DCLK1: variants seen among roughly 807,000 people sequenced by gnomAD.
The protein encoded by DCLK1 is doublecortin like kinase 1.
Under a neutral mutation model 86.2 loss-of-function variants are expected in DCLK1, and 16 were observed. That is an observed-to-expected ratio of 0.19 (90% CI 0.13 to 0.28). The LOEUF (loss-of-function observed/expected upper bound fraction) is 0.28, where lower values mean the gene tolerates loss of function less well. Ranked by LOEUF, DCLK1 falls within the 10% of genes least tolerant of loss-of-function variation. The pLI, the probability that DCLK1 is intolerant of heterozygous loss-of-function variation, is 1.00. For synonymous variants in DCLK1, 369 were observed against 370.5 expected (o/e 1.00, Z 0.05); for missense variants, 590 against 940.2 (o/e 0.63, Z 4.87).
At chr13:36,071,433 A>G (rs1195035466) in intron 3 of DCLK1, among the ~76,000 whole-genome samples, 1 of 152,178 alleles carries the variant, frequency 6.6e-6, no homozygotes, top group African/African-American at 2.4e-5. Context: ...AAACAAATTC[A>G]GCAATATTAA....
chr13:35,907,756 T>G (rs959345328), intron 4 of DCLK1, among the ~76,000 whole-genome samples: 1 of 151,246 alleles, frequency 6.6e-6, no homozygotes, highest in African/African-American at 2.4e-5. Flanking sequence ...GCTCAGAGGT[T>G]CAAGCTAAGC....
chr13:35,841,950 C>G (rs1003915092), intron 6 of DCLK1, among the ~76,000 whole-genome samples: 7 of 151,938 alleles, frequency 4.6e-5, no homozygotes, highest in Non-Finnish European at 1.0e-4. Context: ...TACAGAAATC[C>G]CAGTGGGTGG....
At chr13:35,817,480 T>G (rs2087296259) in intron 11 of DCLK1, among the ~76,000 whole-genome samples, 1 of 152,174 alleles carries the variant, frequency 6.6e-6, no homozygotes, top group Non-Finnish European at 1.5e-5. Flanking sequence ...TTCAAAGAAA[T>G]TAGATTATTA....
chr13:35,805,597 C>A, intron 15 of DCLK1, 102 bp downstream of exon 15: 2 of 1,206,338 alleles, frequency 1.7e-6, no homozygotes, highest in South Asian at 1.4e-5. Flanking sequence ...CTGCGCCTGG[C>A]CCACAACACT....
At chr13:36,093,417 C>A (rs1884905071) in intron 3 of DCLK1, among the ~76,000 whole-genome samples, 1 of 152,200 alleles carries the variant, frequency 6.6e-6, no homozygotes, top group South Asian at 2.1e-4. Context: ...ATGGTGGCTA[C>A]AAATCACCTA....
At chr13:35,903,301 A>G (rs1326288324) in intron 4 of DCLK1, among the ~76,000 whole-genome samples, 2 of 152,208 alleles carry the variant, frequency 1.3e-5, no homozygotes, top group Non-Finnish European at 2.9e-5. Context: ...TGCTACAGAA[A>G]GTGTCTGGCC....
chr13:36,019,977 G>T (rs565449933), intron 3 of DCLK1, among the ~76,000 whole-genome samples: 54 of 152,262 alleles, frequency 3.5e-4, no homozygotes, highest in African/African-American at 1.3e-3. Context: ...GAATGGCTTT[G>T]TGCCATCCTC....
At chr13:36,036,133 A>G (rs1489216612) in intron 3 of DCLK1, among the ~76,000 whole-genome samples, 1 of 152,178 alleles carries the variant, frequency 6.6e-6, no homozygotes, top group Non-Finnish European at 1.5e-5. Flanking sequence ...TACCATTGCC[A>G]TAACACCCAT....
chr13:36,042,147 A>G (rs1008898668), intron 3 of DCLK1, among the ~76,000 whole-genome samples: 18 of 152,198 alleles, frequency 1.2e-4, no homozygotes, highest in African/African-American at 4.1e-4. Flanking sequence ...TGGATCACAC[A>G]TGAGGGAATA....
In DCLK1 at chr13:36,056,129, T is replaced by G. The variant is rs112367769; in HGVS notation, c.723+55740A>C. 1.5e-3 allele frequency among the ~76,000 whole-genome samples: 209 copies of G among 136,404 alleles called. 1 individual carries two copies. Among genetic ancestry groups the G allele is most frequent in the Admixed American group, 3.9e-3 (51 of 13,084 alleles). The allele number at this position is 136,404 out of a possible 152,430, so 89.5% of individuals were successfully genotyped here. On this transcript the variant is annotated intron_variant, in intron 3 of 16. Coordinates refer to ENST00000360631, the MANE Select transcript of DCLK1 (RefSeq NM_001330071.2). ...TCCCATTACTGGGTATATACCCAAATGACTATAAATCATGCTGCTATAAAG... is the reference window on the plus strand; with the variant it reads ...TCCCATTACTGGGTATATACCCAAAGGACTATAAATCATGCTGCTATAAAG...
intron 3 of DCLK1, among the ~76,000 whole-genome samples, chr13:36,040,916 T>C (rs191996781): frequency 4.6e-5 from 7 of 152,288 alleles, no homozygotes; most frequent in Admixed American, 3.9e-4. Flanking sequence ...TTGATGTATC[T>C]CCATCATTAT....
chr13:35,927,473 T>C (rs1387590792), intron 4 of DCLK1, among the ~76,000 whole-genome samples: 1 of 152,210 alleles, frequency 6.6e-6, no homozygotes, highest in Admixed American at 6.5e-5. Context: ...AAGTCTCTGA[T>C]AAGTTCATTG....
chr13:35,914,072 C>G (rs1042238410), intron 4 of DCLK1, among the ~76,000 whole-genome samples: 20 of 151,916 alleles, frequency 1.3e-4, no homozygotes, highest in African/African-American at 4.8e-4. Context: ...AGTCCCAGCA[C>G]TTTGGGAGGC....
chr13:36,005,697 T>G (rs1386645738), intron 3 of DCLK1, among the ~76,000 whole-genome samples: 1 of 152,160 alleles, frequency 6.6e-6, no homozygotes, highest in African/African-American at 2.4e-5. Context: ...AAGCTTGTGT[T>G]GCTGGAGTTG....
chr13:35,991,277 T>C (rs1214190084), intron 3 of DCLK1, among the ~76,000 whole-genome samples: 4 of 152,186 alleles, frequency 2.6e-5, no homozygotes, highest in Non-Finnish European at 5.9e-5. Flanking sequence ...TACGTCTCCA[T>C]GACTGTTCAC....
At chr13:36,040,015 A>G (rs1334016889) in intron 3 of DCLK1, among the ~76,000 whole-genome samples, 3 of 151,952 alleles carry the variant, frequency 2.0e-5, no homozygotes, top group African/African-American at 4.8e-5. Context: ...TGCAACCTCA[A>G]ACTCCTGAGT....
intron 15 of DCLK1, among the ~76,000 whole-genome samples, chr13:35,794,062 A>G (rs1410793679): frequency 5.3e-5 from 8 of 152,228 alleles, no homozygotes; most frequent in African/African-American, 1.9e-4. Flanking sequence ...TTATTATGAC[A>G]TAGTTTATAT....
chr13:35,776,102 T>C (rs2153097050), intron 16 of DCLK1, among the ~76,000 whole-genome samples: 1 of 152,342 alleles, frequency 6.6e-6, no homozygotes, highest in Non-Finnish European at 1.5e-5. Context: ...CAGTAACTGG[T>C]CTGTTGAAAC....
chr13:35,815,565 G>A (rs1272860902), intron 11 of DCLK1, among the ~76,000 whole-genome samples: 3 of 152,110 alleles, frequency 2.0e-5, no homozygotes, highest in Admixed American at 1.3e-4. Context: ...AACAAAAGTG[G>A]CATGAAATTG....
Sources: gnomAD v4.1 joint callset for allele counts (sites outside exome capture counted in the v4.1 genomes callset) on GRCh38, gnomAD v4.1.1 for gene constraint, MANE v1.5 for transcripts, NCBI Gene and HGNC (gene_info 2026-07-23, HGNC 2026-07-21) for gene names.